TCF7L2: variants seen among roughly 807,000 people sequenced by gnomAD.
TCF7L2 encodes the protein transcription factor 7 like 2.
In TCF7L2, 23 loss-of-function variants were observed where a neutral mutation model predicts 77.9. That is an observed-to-expected ratio of 0.30 (90% CI 0.21 to 0.42). The LOEUF is 0.42. Ranked by LOEUF, TCF7L2 falls within the 10% of genes least tolerant of loss-of-function variation. TCF7L2 has a pLI of 1.00. For synonymous variants in TCF7L2, 413 were observed against 340.2 expected (o/e 1.21, Z -2.36); for missense variants, 654 against 793.1 (o/e 0.82, Z 2.11).
intron 6 of TCF7L2, among the ~76,000 whole-genome samples, chr10:113,143,410 A>G (rs987422410): frequency 5.3e-5 from 8 of 152,270 alleles, no homozygotes; most frequent in African/African-American, 1.7e-4. Context: ...AAATAGAGGC[A>G]GAGACATTTT....
intron 13 of TCF7L2, chr10:113,161,739 C>G (rs1347160571): frequency 1.7e-5 from 15 of 908,276 alleles, no homozygotes; most frequent in Non-Finnish European, 2.0e-5. Context: ...ACGTGCATGC[C>G]CACGAGTCTC....
chr10:113,166,114 G>GT lies in TCF7L2; in HGVS notation c.*144dup. 1.5e-6 allele frequency: 1 copy of GT among 678,262 alleles called. No individual in the cohort carries two copies. Among genetic ancestry groups the GT allele is most frequent in the Non-Finnish European group, 2.1e-6 (1 of 469,340 alleles). The allele number at this position is 678,262 out of a possible 1,614,324, so 42.0% of individuals were successfully genotyped here. On this transcript the variant is annotated 3_prime_UTR_variant, in exon 14 of 14. Coordinates refer to ENST00000627217, the MANE Select transcript of TCF7L2 (RefSeq NM_001146274.2). ...GGCTACATTAGTTGATGTTTATCGA[G>GT]TTCATTGGTCAATATTTGACCCATT...
At position 113,040,097 on chromosome 10, in the gene TCF7L2, G is replaced by A. The variant is rs1234592643; in HGVS notation, c.523G>A (p.Ala175Thr). The A allele has an allele frequency of 1.2e-6, 2 of 1,613,920 alleles. No individual in the cohort carries two copies. The highest frequency in any genetic ancestry group is 1.7e-6 in the Non-Finnish European group (2 of 1,179,888). The change falls in exon 5 of 14, where the codon GCC becomes ACC. Residue 175 changes from alanine to threonine, a missense_variant. Ala to Thr is a moderately conservative substitution (Grantham distance 58). This residue lies in a region of TCF7L2 where 179 missense variants were observed against 270.6 expected (regional missense o/e 0.66). Coordinates refer to ENST00000627217, the MANE Select transcript of TCF7L2 (RefSeq NM_001146274.2). ...CCAGAGTAGACAAGCCCTCAAGGATGCCCGGTCCCCATCACCGGCACACAT... is the reference window on the plus strand; with the variant it reads ...CCAGAGTAGACAAGCCCTCAAGGATACCCGGTCCCCATCACCGGCACACAT...
In TCF7L2 at chr10:113,055,274, A is replaced by G. The variant is rs913758009; in HGVS notation, c.552+15148A>G. On this transcript the variant is annotated intron_variant, in intron 5 of 13. Coordinates refer to ENST00000627217, the MANE Select transcript of TCF7L2 (RefSeq NM_001146274.2). ...ATATAAACTCTTTCCTCATAATCAC[A>G]CCAATGCTTGATCCTGTTGGACTTA... Among the ~76,000 whole-genome samples, 7 of 152,310 alleles carry G rather than the reference A, an allele frequency of 4.6e-5. No homozygotes were observed. The East Asian group carries it at 1.3e-3, about 29-fold the overall frequency.
At chr10:113,004,805 T>C (rs2045223282) in intron 4 of TCF7L2, among the ~76,000 whole-genome samples, 1 of 152,140 alleles carries the variant, frequency 6.6e-6, no homozygotes, top group Non-Finnish European at 1.5e-5. Flanking sequence ...CCTGAGTAGC[T>C]GGGATGTCAG....
intron 5 of TCF7L2, among the ~76,000 whole-genome samples, chr10:113,065,002 G>T (rs1289162795): frequency 2.0e-5 from 3 of 152,192 alleles, no homozygotes; most frequent in Non-Finnish European, 4.4e-5. Context: ...TTCACCCAGA[G>T]ACCAGAAGGC....
At chr10:113,095,389 T>C (rs568516024) in intron 5 of TCF7L2, among the ~76,000 whole-genome samples, 1 of 152,322 alleles carries the variant, frequency 6.6e-6, no homozygotes, top group African/African-American at 2.4e-5. Flanking sequence ...CCAGATTATT[T>C]TTATTTTTTC....
At chr10:112,960,999 C>T (rs1353510255) in intron 3 of TCF7L2, among the ~76,000 whole-genome samples, 2 of 150,138 alleles carry the variant, frequency 1.3e-5, no homozygotes, top group African/African-American at 4.9e-5. Flanking sequence ...AGCCTGGGAA[C>T]CTGGTTTTTA....
At chr10:113,164,795 GTTTAT>G (rs773023127) in intron 13 of TCF7L2, among the ~76,000 whole-genome samples, 2 of 150,854 alleles carry the variant, frequency 1.3e-5, no homozygotes, top group Non-Finnish European at 3.0e-5. Flanking sequence ...TTTGTTTTAA[GTTTAT>G]TTTGTTTTAT....
At chr10:113,016,000 A>G (rs1204651500) in intron 4 of TCF7L2, among the ~76,000 whole-genome samples, 3 of 152,012 alleles carry the variant, frequency 2.0e-5, no homozygotes, top group Admixed American at 6.5e-5. Context: ...GTAACGCAGT[A>G]ATAAATCAGT....
intron 6 of TCF7L2, among the ~76,000 whole-genome samples, chr10:113,141,897 T>C (rs2068449191): frequency 1.3e-5 from 2 of 152,248 alleles, no homozygotes; most frequent in African/African-American, 2.4e-5. Context: ...GTTGAACCCA[T>C]TTTACAGATA....
chr10:113,117,434 C>CTCTCT (rs2063973185), intron 5 of TCF7L2, among the ~76,000 whole-genome samples: 1 of 39,776 alleles, frequency 2.5e-5, no homozygotes, highest in Non-Finnish European at 4.3e-5. Flanking sequence ...TCTCTCTCTC[C>CTCTCT]CTCTCTCTCT....
In TCF7L2 at chr10:113,120,659, A is replaced by G. The variant is rs571414362; in HGVS notation, c.553-20525A>G. Among the ~76,000 whole-genome samples, 107 of 152,264 alleles carry G rather than the reference A, an allele frequency of 7.0e-4. 1 individual carries two copies. The highest frequency in any genetic ancestry group is 2.5e-3 in the African/African-American group (103 of 41,546). ...TTTCAAGGGGACGTAGGAGGGTGTT[A>G]TGAAATACTGAGTTGCACCGAGCAC... On this transcript the variant is annotated intron_variant, in intron 5 of 13. Transcript: ENST00000627217.
intron 3 of TCF7L2, among the ~76,000 whole-genome samples, chr10:112,957,928 C>A (rs995708930): frequency 6.6e-6 from 1 of 152,176 alleles, no homozygotes; most frequent in Non-Finnish European, 1.5e-5. Flanking sequence ...GTTTGCCAGG[C>A]CAGGAGAGAT....
chr10:112,979,534 A>T (rs141318343), intron 4 of TCF7L2, among the ~76,000 whole-genome samples: 352 of 152,220 alleles, frequency 2.3e-3, no homozygotes, highest in African/African-American at 8.0e-3. Context: ...AGGCGGGCGG[A>T]TCACTTGAGG....
chr10:113,095,442 C>A (rs1354148192), intron 5 of TCF7L2, among the ~76,000 whole-genome samples: 5 of 152,080 alleles, frequency 3.3e-5, no homozygotes, highest in Non-Finnish European at 5.9e-5. Flanking sequence ...TTGTTGAAGT[C>A]TTTTAGGCTA....
At chr10:112,982,885 A>G (rs1489131458) in intron 4 of TCF7L2, among the ~76,000 whole-genome samples, 1 of 151,998 alleles carries the variant, frequency 6.6e-6, no homozygotes, top group Non-Finnish European at 1.5e-5. Flanking sequence ...TTGGCCTCCC[A>G]AAGTGCTGGG....
intron 5 of TCF7L2, among the ~76,000 whole-genome samples, chr10:113,098,977 AT>A (rs1255825978): frequency 6.6e-6 from 1 of 152,000 alleles, no homozygotes; most frequent in African/African-American, 2.4e-5. Flanking sequence ...TTCACTGTTG[AT>A]TGTCAGGGGC....
At chr10:113,118,114 A>G (rs1388378220) in intron 5 of TCF7L2, among the ~76,000 whole-genome samples, 1 of 152,110 alleles carries the variant, frequency 6.6e-6, no homozygotes, top group Non-Finnish European at 1.5e-5. Context: ...GACGGGGTCG[A>G]GAATTTACTG....
Sources: gnomAD v4.1 joint callset for allele counts (sites outside exome capture counted in the v4.1 genomes callset) on GRCh38, gnomAD v4.1.1 for gene constraint, gnomAD v4.1.1 regional missense constraint, MANE v1.5 for transcripts, NCBI Gene and HGNC (gene_info 2026-07-23, HGNC 2026-07-21) for gene names.